The following SLCO5A1 variants were observed in gnomAD, a reference collection of about 807,000 sequenced individuals.
SLCO5A1 encodes solute carrier organic anion transporter family member 5A1, also known as organic anion transporter polypeptide-related protein 4.
SLCO5A1 carries 39 observed loss-of-function variants against 65.1 expected under a neutral mutation model. The ratio of observed to expected loss-of-function variants is 0.60; its 90% confidence interval spans 0.46 to 0.78. The LOEUF (loss-of-function observed/expected upper bound fraction) is 0.78. Ranked by LOEUF, SLCO5A1 falls within the 30% of genes least tolerant of loss-of-function variation. The pLI, the probability that SLCO5A1 is intolerant of heterozygous loss-of-function variation, is 0.00. For missense variants in SLCO5A1, 1,029 were observed against 1,069.4 expected (o/e 0.96, Z 0.53); for synonymous variants, 438 against 415.7 (o/e 1.05, Z -0.65).
intron 5 of SLCO5A1, among the ~76,000 whole-genome samples, chr8:69,714,230 G>C (rs1362425043): frequency 6.6e-6 from 1 of 152,084 alleles, no homozygotes; most frequent in Non-Finnish European, 1.5e-5. Flanking sequence ...TTTGAACTCA[G>C]TGGCTGTTTA....
intron 5 of SLCO5A1, chr8:69,714,981 T>C (rs1815444571): frequency 6.6e-6 from 1 of 152,250 alleles, no homozygotes; most frequent in African/African-American, 2.4e-5. Context: ...TTCAGGTTTC[T>C]GTAAAGCTCT....
intron 2 of SLCO5A1, among the ~76,000 whole-genome samples, chr8:69,797,021 C>T (rs1819528798): frequency 6.6e-6 from 1 of 152,196 alleles, no homozygotes; most frequent in Non-Finnish European, 1.5e-5. Flanking sequence ...TAACAAGTCT[C>T]TAGGAAGTTC....
At chr8:69,806,279 AC>A (rs1819986474) in intron 2 of SLCO5A1, among the ~76,000 whole-genome samples, 1 of 152,104 alleles carries the variant, frequency 6.6e-6, no homozygotes, top group Admixed American at 6.6e-5. Flanking sequence ...CTATTTAAGC[AC>A]CCCTCCCCAA....
chr8:69,678,839 C>T (rs992126798), intron 8 of SLCO5A1, among the ~76,000 whole-genome samples: 9 of 150,356 alleles, frequency 6.0e-5, no homozygotes, highest in African/African-American at 2.2e-4. Flanking sequence ...CCCCAATATG[C>T]CCTTTTCTTG....
At chr8:69,796,874 T>C (rs1819521575) in intron 2 of SLCO5A1, among the ~76,000 whole-genome samples, 1 of 152,130 alleles carries the variant, frequency 6.6e-6, no homozygotes, top group Non-Finnish European at 1.5e-5. Context: ...AGAGGCACAA[T>C]GCAGCCAGAC....
intron 5 of SLCO5A1, among the ~76,000 whole-genome samples, chr8:69,723,617 T>C (rs888718881): frequency 1.3e-5 from 2 of 152,020 alleles, no homozygotes; most frequent in Non-Finnish European, 2.9e-5. Context: ...AAAAAAAATT[T>C]GAGGTGAGAG....
Position 69,801,571 on chromosome 8 carries a change from G to A in SLCO5A1, c.907+30196C>T, listed in dbSNP as rs142869845. Among the ~76,000 whole-genome samples the A allele has an allele frequency of 3.9e-3, 594 of 151,670 alleles. 3 individuals are homozygous for A. The highest frequency in any genetic ancestry group is 6.5e-3 in the Non-Finnish European group (440 of 67,866). On this transcript the variant is annotated intron_variant, in intron 2 of 9. Transcript: ENST00000260126. ...TCTCCATTGCTTCTTTTTTTTTAAC[G>A]AACATTTTATGATTTAGAGTTTTAC...
chr8:69,784,817 AAGAAAG>A, intron 2 of SLCO5A1, among the ~76,000 whole-genome samples: 1 of 99,370 alleles, frequency 1.0e-5, no homozygotes, highest in African/African-American at 3.0e-5. Context: ...AAGAAAAAGA[AAGAAAG>A]AAAGAAAGAA....
At chr8:69,796,337 G>C (rs1182701506) in intron 2 of SLCO5A1, among the ~76,000 whole-genome samples, 2 of 151,890 alleles carry the variant, frequency 1.3e-5, no homozygotes, top group Non-Finnish European at 2.9e-5. Flanking sequence ...TCCAGGGCCA[G>C]GTGCAGTGGC....
At chr8:69,775,420 A>C (rs1018221949) in intron 2 of SLCO5A1, among the ~76,000 whole-genome samples, 2 of 152,180 alleles carry the variant, frequency 1.3e-5, no homozygotes, top group African/African-American at 4.8e-5. Context: ...ATATATAACA[A>C]ACCTGCACAT....
chr8:69,722,080 G>A (rs553735276), intron 5 of SLCO5A1, among the ~76,000 whole-genome samples: 2 of 152,250 alleles, frequency 1.3e-5, no homozygotes, highest in African/African-American at 2.4e-5. Flanking sequence ...GCTGAGACAG[G>A]AGAATCGCCT....
At chr8:69,698,697 T>C (rs1188788326) in intron 6 of SLCO5A1, among the ~76,000 whole-genome samples, 2 of 152,230 alleles carry the variant, frequency 1.3e-5, no homozygotes, top group Admixed American at 6.5e-5. Context: ...CACTTTTTAA[T>C]GGGGCTGATA....
At chr8:69,707,266 G>C (rs956634959) in intron 5 of SLCO5A1, among the ~76,000 whole-genome samples, 1 of 152,164 alleles carries the variant, frequency 6.6e-6, no homozygotes, top group Non-Finnish European at 1.5e-5. Context: ...ATTATACAAA[G>C]TGCAGGGAGA....
chr8:69,756,977 G>A (rs1327098224), intron 3 of SLCO5A1, among the ~76,000 whole-genome samples: 12 of 152,192 alleles, frequency 7.9e-5, no homozygotes, highest in Admixed American at 7.9e-4. Flanking sequence ...CCCATCAACT[G>A]TAACCAGAAT....
intron 2 of SLCO5A1, among the ~76,000 whole-genome samples, chr8:69,786,003 C>T (rs1480507353): frequency 6.6e-6 from 1 of 152,180 alleles, no homozygotes; most frequent in African/African-American, 2.4e-5. Flanking sequence ...TTCACTTATA[C>T]ATTTTATCAA....
intron 6 of SLCO5A1, chr8:69,704,812 A>T: frequency 1.8e-6 from 1 of 540,842 alleles, no homozygotes; most frequent in Non-Finnish European, 3.3e-6. Flanking sequence ...AATGCTATGA[A>T]AGTCCCTCTG....
chr8:69,670,184 A>T lies in SLCO5A1; in HGVS notation c.*2685T>A, dbSNP rs984170871. The T allele has an allele frequency of 1.1e-4, 16 of 152,258 alleles. No individual in the cohort carries two copies. The highest frequency in any genetic ancestry group is 3.6e-4 in the African/African-American group (15 of 41,474). 9.4% of individuals were successfully genotyped at this position (152,258 alleles called of 1,614,324 possible). A position where few individuals can be genotyped will look rare whatever the true frequency, so the allele number is the denominator to read the frequency against. ...ATGAATTTACAGTTTATAAAGGACA[A>T]GATGACCTTTTCCAAAACAAGTAAT... On this transcript the variant is annotated 3_prime_UTR_variant, in exon 10 of 10. Transcript: ENST00000260126.
intron 6 of SLCO5A1, among the ~76,000 whole-genome samples, chr8:69,691,017 T>C (rs1436522526): frequency 6.6e-6 from 1 of 152,136 alleles, no homozygotes; most frequent in Non-Finnish European, 1.5e-5. Context: ...TTTAAAAAAT[T>C]ATTTGAAGAA....
intron 4 of SLCO5A1, among the ~76,000 whole-genome samples, chr8:69,751,256 G>A (rs148302900): frequency 1.2e-3 from 182 of 152,262 alleles, no homozygotes; most frequent in African/African-American, 4.1e-3. Flanking sequence ...CAGGAAAATG[G>A]ATTCACTTAA....
Sources: allele counts gnomAD v4.1 joint callset (sites outside exome capture counted in the v4.1 genomes callset), GRCh38; gene constraint gnomAD v4.1.1; transcripts MANE v1.5; gene names NCBI Gene and HGNC (gene_info 2026-07-23, HGNC 2026-07-21).